Variants in GALNT13 observed in about 807,000 individuals in gnomAD.
GALNT13 encodes the protein UDP-GalNAc:polypeptide N-acetylgalactosaminyltransferase 13.
Under a neutral mutation model 64.2 loss-of-function variants are expected in GALNT13, and 28 were observed. The observed-to-expected ratio is 0.44, with a 90% CI of 0.32 to 0.60. GALNT13 has a LOEUF of 0.60. Among genes scored for constraint, GALNT13 ranks in the 20% least tolerant of loss-of-function variants. The pLI is 0.05. For missense variants in GALNT13, 577 were observed against 669.8 expected, an observed-to-expected ratio of 0.86 and a Z score of 1.53; for synonymous variants, 214 against 224.6, an observed-to-expected ratio of 0.95 and a Z score of 0.42.
At chr2:153,727,812 G>A in the GALNT13 span, among the ~76,000 whole-genome samples, 1 of 152,046 alleles carries the variant, frequency 6.6e-6, no homozygotes, top group African/African-American at 2.4e-5. Flanking sequence ...ATGTGCCACA[G>A]TGGTTTGCTG....
At chr2:154,449,759 A>G (rs1242964245) in intron 12 of GALNT13, among the ~76,000 whole-genome samples, 1 of 152,008 alleles carries the variant, frequency 6.6e-6, no homozygotes, top group Non-Finnish European at 1.5e-5. Context: ...ATTTATGAAG[A>G]AACTAAAATA....
the GALNT13 span, among the ~76,000 whole-genome samples, chr2:153,793,099 G>C: frequency 6.6e-6 from 1 of 151,592 alleles, no homozygotes; most frequent in African/African-American, 2.4e-5. Flanking sequence ...AGCCTCCAGG[G>C]TAGCTGAGAC....
chr2:153,124,582 T>C, the GALNT13 span, among the ~76,000 whole-genome samples: 933 of 152,294 alleles, frequency 6.1e-3, 9 homozygotes, highest in African/African-American at 0.021. Flanking sequence ...CTCAGCTCAC[T>C]GCAACCTCCA....
chr2:153,836,805 A>T, the GALNT13 span, among the ~76,000 whole-genome samples: 9 of 151,664 alleles, frequency 5.9e-5, no homozygotes, highest in Non-Finnish European at 1.3e-4. Flanking sequence ...ATGATTTCCA[A>T]CTTCATCCAT....
chr2:153,828,314 C>G, the GALNT13 span, among the ~76,000 whole-genome samples: 1 of 152,230 alleles, frequency 6.6e-6, no homozygotes, highest in Non-Finnish European at 1.5e-5. Flanking sequence ...CAAAGGTTCT[C>G]CATGAGAGCC....
chr2:153,946,694 C>A (rs1691775130), intron 3 of GALNT13, among the ~76,000 whole-genome samples: 1 of 151,980 alleles, frequency 6.6e-6, no homozygotes, highest in African/African-American at 2.4e-5. Flanking sequence ...TTAATCACCC[C>A]CCAAAGGCCC....
chr2:153,632,549 G>A, the GALNT13 span, among the ~76,000 whole-genome samples: 1 of 152,040 alleles, frequency 6.6e-6, no homozygotes, highest in South Asian at 2.1e-4. Context: ...TTATCCCCTG[G>A]AAACCACTGA....
At chr2:153,542,625 A>G in the GALNT13 span, among the ~76,000 whole-genome samples, 1 of 152,198 alleles carries the variant, frequency 6.6e-6, no homozygotes, top group Non-Finnish European at 1.5e-5. Flanking sequence ...ATGGTAGAGG[A>G]TGAAGAACCC....
In GALNT13 at chr2:154,275,960, G is replaced by T. The variant is rs148039503; in HGVS notation, c.975+16822G>T. Among the ~76,000 whole-genome samples, 375 of 152,252 alleles carry T rather than the reference G, an allele frequency of 2.5e-3. 2 individuals are homozygous for T. In the East Asian group the frequency reaches 0.035, roughly 14 times the overall value. On this transcript the variant is annotated intron_variant, in intron 8 of 12. Transcript: ENST00000392825. ...GAAGAAGATCACTCTGTAACCTTAAGGTTTAATGACTGCCCTGTTGGATTT... is the reference window on the plus strand; with the variant it reads ...GAAGAAGATCACTCTGTAACCTTAATGTTTAATGACTGCCCTGTTGGATTT...
chr2:154,010,712 G>T (rs1228086848), intron 3 of GALNT13, among the ~76,000 whole-genome samples: 2 of 151,918 alleles, frequency 1.3e-5, no homozygotes, highest in Non-Finnish European at 2.9e-5. Flanking sequence ...GAGTCAATCT[G>T]GTCCAGGACT....
chr2:153,903,582 G>A (rs1452520116), intron 2 of GALNT13, among the ~76,000 whole-genome samples: 4 of 151,922 alleles, frequency 2.6e-5, no homozygotes, highest in Admixed American at 1.3e-4. Context: ...CTCTCTGTGC[G>A]TCAGCCTCTG....
At chr2:153,265,989 T>C in the GALNT13 span, among the ~76,000 whole-genome samples, 1 of 152,196 alleles carries the variant, frequency 6.6e-6, no homozygotes, top group African/African-American at 2.4e-5. Context: ...TTTTTTTCAA[T>C]AAAGTATTCT....
chr2:153,650,950 G>C, the GALNT13 span, among the ~76,000 whole-genome samples: 2 of 152,130 alleles, frequency 1.3e-5, no homozygotes, highest in Non-Finnish European at 2.9e-5. Context: ...AATGTCTGAA[G>C]TGGGAGTTTT....
the GALNT13 span, among the ~76,000 whole-genome samples, chr2:153,544,112 C>T: frequency 6.6e-6 from 1 of 152,066 alleles, no homozygotes; most frequent in African/African-American, 2.4e-5. Flanking sequence ...CGATCATCAG[C>T]ACAACGTACA....
intron 3 of GALNT13, among the ~76,000 whole-genome samples, chr2:154,008,927 A>T (rs1696440004): frequency 6.6e-6 from 1 of 152,174 alleles, no homozygotes; most frequent in African/African-American, 2.4e-5. Context: ...TTTTTATGGT[A>T]GAACAATTAT....
intron 3 of GALNT13, among the ~76,000 whole-genome samples, chr2:154,111,260 A>G (rs979292620): frequency 2.0e-5 from 3 of 152,144 alleles, no homozygotes; most frequent in Non-Finnish European, 2.9e-5. Flanking sequence ...AGGGTCTGGG[A>G]CATTTGTAGT....
chr2:153,749,805 A>G, the GALNT13 span, among the ~76,000 whole-genome samples: 2 of 151,874 alleles, frequency 1.3e-5, no homozygotes, highest in Non-Finnish European at 2.9e-5. Flanking sequence ...TGTCCATTGC[A>G]GTTTGGATGC....
the GALNT13 span, among the ~76,000 whole-genome samples, chr2:153,159,951 A>C: frequency 8.5e-5 from 13 of 152,234 alleles, no homozygotes; most frequent in African/African-American, 3.1e-4. Flanking sequence ...GAGTTGTTCT[A>C]TGACCACTTT....
the GALNT13 span, among the ~76,000 whole-genome samples, chr2:153,321,181 TCTTTA>T: frequency 6.6e-6 from 1 of 152,242 alleles, no homozygotes; most frequent in Non-Finnish European, 1.5e-5. Flanking sequence ...AAAGTGGTTG[TCTTTA>T]CTTTTTAAAA....
Sources: gnomAD v4.1 joint callset for allele counts (sites outside exome capture counted in the v4.1 genomes callset) on GRCh38, gnomAD v4.1.1 for gene constraint, MANE v1.5 for transcripts, NCBI Gene and HGNC (gene_info 2026-07-23, HGNC 2026-07-21) for gene names.